SETX: variants seen among roughly 807,000 people sequenced by gnomAD.
SETX encodes the protein senataxin, also known as helicase senataxin.
A neutral mutation model predicts 227.2 loss-of-function variants in SETX; 90 were observed. The observed-to-expected ratio is 0.40, with a 90% CI of 0.33 to 0.47. SETX has a LOEUF of 0.47. SETX is among the 20% of genes least tolerant of loss of function. SETX has a pLI of 0.91. For synonymous variants in SETX, 1,210 were observed against 1,113.2 expected, an observed-to-expected ratio of 1.09 and a Z score of -1.73; for missense variants, 3,052 against 3,181.5, an observed-to-expected ratio of 0.96 and a Z score of 0.98.
intron 23 of SETX, among the ~76,000 whole-genome samples, chr9:132,273,494 C>T (rs1842996961): frequency 1.3e-5 from 2 of 152,176 alleles, no homozygotes; most frequent in Non-Finnish European, 2.9e-5. Context: ...CTTTCAACAA[C>T]GTTTTGCAGT....
chr9:132,307,151 A>C (rs1483716126), intron 11 of SETX, among the ~76,000 whole-genome samples: 2 of 152,128 alleles, frequency 1.3e-5, no homozygotes, highest in Non-Finnish European at 2.9e-5. Context: ...GCTACTGAGG[A>C]GGCTGAGGCA....
At chr9:132,270,415 T>G (rs1292049450) in intron 24 of SETX, among the ~76,000 whole-genome samples, 2 of 151,996 alleles carry the variant, frequency 1.3e-5, no homozygotes, top group Non-Finnish European at 1.5e-5. Context: ...GAGACACAGG[T>G]GAACTCTAGA....
chr9:132,289,656 A>G (rs1422900608), intron 15 of SETX, among the ~76,000 whole-genome samples: 5 of 152,184 alleles, frequency 3.3e-5, no homozygotes, highest in Non-Finnish European at 5.9e-5. Context: ...TTGACCATCG[A>G]GCCTTCTTTT....
intron 15 of SETX, among the ~76,000 whole-genome samples, chr9:132,293,175 G>C (rs1048432885): frequency 2.0e-5 from 3 of 151,936 alleles, no homozygotes; most frequent in African/African-American, 7.3e-5. Context: ...ACAGATTAAA[G>C]AAAATTTTCA....
intron 20 of SETX, among the ~76,000 whole-genome samples, chr9:132,280,978 G>A (rs1049473530): frequency 6.6e-6 from 1 of 152,052 alleles, no homozygotes; most frequent in Non-Finnish European, 1.5e-5. Flanking sequence ...ATTAACACTA[G>A]AATACCAAAT....
chr9:132,304,731 C>T (rs1354311192), intron 11 of SETX, among the ~76,000 whole-genome samples: 1 of 152,082 alleles, frequency 6.6e-6, no homozygotes, highest in Non-Finnish European at 1.5e-5. Context: ...GGCGCAGTGG[C>T]TCGCGCCTGT....
intron 6 of SETX, 96 bp downstream of exon 6, chr9:132,336,200 G>A: frequency 2.0e-6 from 2 of 998,594 alleles, no homozygotes; most frequent in East Asian, 2.6e-5. Context: ...TGGAGATGGT[G>A]CCACTGCACT....
chr9:132,353,006 T>C (rs1199696194), intron 2 of SETX, among the ~76,000 whole-genome samples: 1 of 152,186 alleles, frequency 6.6e-6, no homozygotes, highest in Non-Finnish European at 1.5e-5. Context: ...TACATTTTCA[T>C]CATTTGCCTG....
intron 25 of SETX, among the ~76,000 whole-genome samples, chr9:132,267,299 T>C (rs1842694383): frequency 6.6e-6 from 1 of 152,196 alleles, no homozygotes; most frequent in Non-Finnish European, 1.5e-5. Flanking sequence ...GGGGCTCAGT[T>C]CTCTTTCTCA....
intron 15 of SETX, among the ~76,000 whole-genome samples, chr9:132,294,574 T>C (rs957486844): frequency 3.9e-5 from 6 of 152,288 alleles, no homozygotes; most frequent in South Asian, 2.1e-4. Flanking sequence ...AAGGAAAATG[T>C]GTGTGATTCC....
intron 10 of SETX, among the ~76,000 whole-genome samples, chr9:132,320,883 A>C (rs1453918481): frequency 6.6e-6 from 1 of 152,168 alleles, no homozygotes; most frequent in Non-Finnish European, 1.5e-5. Context: ...GGATGAATGG[A>C]ACTAACTCAG....
Position 132,264,992 on chromosome 9 carries a change from A to G in SETX, c.7288-7T>C. The G allele has an allele frequency of 1.2e-6, 2 of 1,612,766 alleles. No homozygotes were observed. Among genetic ancestry groups the G allele is most frequent in the Non-Finnish European group, 1.7e-6 (2 of 1,180,030 alleles). ...GATTCCAATGCTGGTTTTCCTTGAA[A>G]CAATGAGAAGGGAGAAATAATTACA... is the stretch of plus-strand genomic sequence containing the variant. On this transcript the variant is annotated splice_polypyrimidine_tract_variant and splice_region_variant and intron_variant, in intron 25 of 25. Transcript: ENST00000224140.
intron 15 of SETX, among the ~76,000 whole-genome samples, chr9:132,292,866 T>C (rs1844422913): frequency 6.6e-6 from 1 of 152,114 alleles, no homozygotes; most frequent in Non-Finnish European, 1.5e-5. Flanking sequence ...TTCGATCTCC[T>C]GACCTGGTGA....
chr9:132,283,803 A>C (rs1843674561), intron 18 of SETX, among the ~76,000 whole-genome samples: 1 of 152,182 alleles, frequency 6.6e-6, no homozygotes, highest in African/African-American at 2.4e-5. Flanking sequence ...GCCTGAATGT[A>C]CATTTTTCTG....
At chr9:132,305,727 AAGAC>A (rs1441619210) in intron 11 of SETX, among the ~76,000 whole-genome samples, 1 of 152,196 alleles carries the variant, frequency 6.6e-6, no homozygotes, top group Non-Finnish European at 1.5e-5. Context: ...TAGGCCATGA[AAGAC>A]AGAGAGAATG....
At chr9:132,275,114 G>A (rs1843089073) in intron 23 of SETX, 142 bp downstream of exon 23, 1 of 854,176 alleles carries the variant, frequency 1.2e-6, no homozygotes, top group African/African-American at 1.7e-5. Flanking sequence ...GTCTATGAAA[G>A]CCAGCAGCAT....
intron 25 of SETX, 161 bp downstream of exon 25, chr9:132,269,454 G>A: frequency 6.3e-7 from 1 of 1,587,458 alleles, no homozygotes; most frequent in Non-Finnish European, 8.6e-7. Context: ...AAGGCGAATG[G>A]TTCACGTGTA....
chr9:132,354,098 G>A (rs1848749649), intron 1 of SETX, among the ~76,000 whole-genome samples: 1 of 152,144 alleles, frequency 6.6e-6, no homozygotes, highest in African/African-American at 2.4e-5. Context: ...TTCCCTCAAG[G>A]CAGTCACCCC....
chr9:132,309,588 A>G (rs1017750927), intron 11 of SETX, among the ~76,000 whole-genome samples: 5 of 152,188 alleles, frequency 3.3e-5, no homozygotes, highest in Non-Finnish European at 7.4e-5. Context: ...CTGTAATCCC[A>G]GCACTTCAGA....
Sources: allele counts gnomAD v4.1 joint callset (sites outside exome capture counted in the v4.1 genomes callset), GRCh38; gene constraint gnomAD v4.1.1; transcripts MANE v1.5; gene names NCBI Gene and HGNC (gene_info 2026-07-23, HGNC 2026-07-21).